Variants in SPTBN1 observed in about 807,000 individuals in gnomAD.
SPTBN1 encodes the protein spectrin beta chain, non-erythrocytic 1.
Under a neutral mutation model 266.4 loss-of-function variants are expected in SPTBN1, and 32 were observed. The observed-to-expected ratio is 0.12, with a 90% CI of 0.09 to 0.16. The LOEUF is 0.16. SPTBN1 is among the 10% of genes least tolerant of loss of function. The pLI, the probability that SPTBN1 is intolerant of heterozygous loss-of-function variation, is 1.00. For missense variants in SPTBN1, 2,296 were observed against 3,067.1 expected (o/e 0.75, Z 5.94); for synonymous variants, 1,336 against 1,162.2 (o/e 1.15, Z -3.04).
In SPTBN1 at chr2:54,612,317, A is replaced by G. The variant is rs878936548; in HGVS notation, c.457A>G (p.Ile153Val). 6.2e-7 allele frequency: 1 copy of G among 1,612,808 alleles called. No individual in the cohort carries two copies. The highest frequency in any genetic ancestry group is 8.5e-7 in the Non-Finnish European group (1 of 1,179,124). The change falls in exon 4 of 36, where the codon ATC becomes GTC. Residue 153 changes from isoleucine (I) to valine (V), a missense_variant. Physicochemically the swap from Ile to Val is conservative, Grantham distance 29 (BLOSUM62 3). This residue lies in a region of SPTBN1 where 178 missense variants were observed against 375.7 expected (regional missense o/e 0.47). Transcript: ENST00000356805. ...HRLTLGLIWT[I>V]ILRFQIQDIS... The stretch of plus-strand genomic sequence containing the variant: ...GCTGACCCTTGGCCTCATCTGGACC[A>G]TCATCCTGCGCTTCCAGGTAAGGGT...
rs753604087 is a variant in SPTBN1 at position 54,629,288 on chromosome 2, G to A, written c.2154G>A (p.Arg718=). ...TCGGGTCGGAGAAGATCCGTGAGAG[G>A]ATCATTTACATCCGGGAGCAGTGGG... ...EHFGSEKIRE[R]IIYIREQWAN... The change falls in exon 14 of 36, where the codon AGG becomes AGA. Residue 718 remains arginine (R), a synonymous_variant. Transcript: ENST00000356805. The A allele has an allele frequency of 1.2e-6, 2 of 1,614,070 alleles. No homozygotes were observed. Among genetic ancestry groups the A allele is most frequent in the Non-Finnish European group, 1.7e-6 (2 of 1,180,044 alleles).
rs35551436 is a variant in SPTBN1 at position 54,507,802 on chromosome 2, C to CTT, written c.-47-18557_-47-18556dup. On this transcript the variant is annotated intron_variant, in intron 1 of 35. Coordinates refer to ENST00000356805, the MANE Select transcript of SPTBN1 (RefSeq NM_003128.3). ...TCTTCATTTAAAAATATAGAGTCCC[C>CTT]TTTTTTTTTTTTTTAGCAGTAAGTC... is the stretch of plus-strand genomic sequence containing the variant. 2.3e-3 allele frequency among the ~76,000 whole-genome samples: 319 copies of CTT among 139,820 alleles called. 2 individuals are homozygous for CTT. The highest frequency in any genetic ancestry group is 3.8e-3 in the African/African-American group (146 of 38,156). 91.7% of individuals were successfully genotyped at this position (139,820 alleles called of 152,430 possible).
intron 17 of SPTBN1, 56 bp downstream of exon 17, chr2:54,632,824 T>A: frequency 6.3e-7 from 1 of 1,582,348 alleles, no homozygotes; most frequent in Non-Finnish European, 8.6e-7. Flanking sequence ...CTCAAACTTC[T>A]GAATCATTGG....
chr2:54,626,163 G>C lies in SPTBN1; in HGVS notation c.1573G>C (p.Glu525Gln), dbSNP rs140411223. 2 of 1,614,178 alleles carry C rather than the reference G, an allele frequency of 1.2e-6. No individual in the cohort carries two copies. The highest frequency in any genetic ancestry group is 2.2e-5 in the South Asian group (2 of 91,080). The change falls in exon 12 of 36, where the codon GAG (glutamate) becomes CAG (glutamine). Residue 525 changes from glutamate (E) to glutamine (Q), a missense_variant. By Grantham distance (29) the Glu-to-Gln change is conservative. This residue lies in a region of SPTBN1 where 434 missense variants were observed against 573.9 expected (regional missense o/e 0.76). Coordinates refer to ENST00000356805, the MANE Select transcript of SPTBN1 (RefSeq NM_003128.3). This position sits in a 1 kb window ranked among gnomAD's most constrained non-coding sequence, Gnocchi z 4.7. Reference protein sequence around the residue: ...ELLRARRQRLEMNLGLQKIFQ... With the variant: ...ELLRARRQRLQMNLGLQKIFQ... ...GCTCAGGGCCCGGAGACAGCGGCTC[G>C]AGATGAACCTGGGGCTGCAGAAGAT... is the stretch of plus-strand genomic sequence containing the variant.
intron 2 of SPTBN1, among the ~76,000 whole-genome samples, chr2:54,576,843 T>C (rs1475012903): frequency 6.6e-6 from 1 of 152,182 alleles, no homozygotes; most frequent in Non-Finnish European, 1.5e-5. Flanking sequence ...GAATACTAGG[T>C]AAGTGATCCC....
chr2:54,591,385 T>C (rs1431718033), intron 2 of SPTBN1, among the ~76,000 whole-genome samples: 1 of 152,200 alleles, frequency 6.6e-6, no homozygotes, highest in African/African-American at 2.4e-5. Flanking sequence ...ACACCTAACT[T>C]AACTATATGT....
chr2:54,460,024 C>T (rs181323188), intron 1 of SPTBN1, among the ~76,000 whole-genome samples: 90 of 152,250 alleles, frequency 5.9e-4, no homozygotes, highest in African/African-American at 2.0e-3. Context: ...TTTTAAACAT[C>T]TCTGGAGAAG....
In SPTBN1 at chr2:54,512,159, T is replaced by A. The variant is rs114733205; in HGVS notation, c.-47-14213T>A. ...ACTATGGGGAACAGCTGTACTTCGC[T>A]TGCTTGTCCGCTGCTCACCTTCTGC... is the stretch of plus-strand genomic sequence containing the variant. On this transcript the variant is annotated intron_variant, in intron 1 of 35. Transcript: ENST00000356805. Among the ~76,000 whole-genome samples the A allele has an allele frequency of 3.7e-3, 562 of 152,306 alleles. 5 individuals are homozygous for A. Among genetic ancestry groups the A allele is most frequent in the African/African-American group, 0.012 (515 of 41,556 alleles).
chr2:54,567,166 G>T (rs754388304), intron 2 of SPTBN1, among the ~76,000 whole-genome samples: 2 of 152,182 alleles, frequency 1.3e-5, no homozygotes, highest in Non-Finnish European at 2.9e-5. Flanking sequence ...GGTAAGAGGT[G>T]AGGAACTGAG....
intron 2 of SPTBN1, among the ~76,000 whole-genome samples, chr2:54,537,955 C>G (rs1264272156): frequency 6.6e-6 from 1 of 152,188 alleles, no homozygotes; most frequent in African/African-American, 2.4e-5. Context: ...CATGGCAGCT[C>G]TCCCTGGAAC....
At chr2:54,655,429 A>T (rs1680586510) in intron 28 of SPTBN1, among the ~76,000 whole-genome samples, 1 of 152,230 alleles carries the variant, frequency 6.6e-6, no homozygotes, top group African/African-American at 2.4e-5. Context: ...TGAGGGCTAC[A>T]AAATGGACTC....
rs116292828 is a variant in SPTBN1, at chr2:54,668,037, C to T, written c.6877-314C>T. ...GAGTCCATTGATGGAAAAACAACAC[C>T]TGTAATGCTTTAAATGTGAAAAAGC... is the stretch of plus-strand genomic sequence containing the variant. On this transcript the variant is annotated intron_variant, in intron 35 of 35. Transcript: ENST00000356805. 8.8e-3 allele frequency among the ~76,000 whole-genome samples: 1,338 copies of T among 152,292 alleles called. 23 individuals are homozygous for T. Among genetic ancestry groups the T allele is most frequent in the African/African-American group, 0.029 (1,222 of 41,548 alleles).
At chr2:54,590,082 C>G (rs549281513) in intron 2 of SPTBN1, among the ~76,000 whole-genome samples, 5 of 152,114 alleles carry the variant, frequency 3.3e-5, no homozygotes, top group Non-Finnish European at 7.3e-5. Context: ...TTCACTTTAC[C>G]GTACAGGTAT....
At chr2:54,490,946 T>G (rs565718965) in intron 1 of SPTBN1, among the ~76,000 whole-genome samples, 242 of 152,234 alleles carry the variant, frequency 1.6e-3, no homozygotes, top group Non-Finnish European at 3.0e-3. Flanking sequence ...CAAAAACTCT[T>G]GCATGCCTTG....
At chr2:54,578,749 GGTGTGTGT>G (rs34536803) in intron 2 of SPTBN1, among the ~76,000 whole-genome samples, 89 of 147,630 alleles carry the variant, frequency 6.0e-4, no homozygotes, top group African/African-American at 2.0e-3. Flanking sequence ...CTTCTGATGG[GGTGTGTGT>G]GTGTGTGTGT....
chr2:54,660,847 C>T (rs897295430), intron 32 of SPTBN1: 140 of 985,278 alleles, frequency 1.4e-4, no homozygotes, highest in Non-Finnish European at 1.5e-4. Context: ...GCTGCTGGCA[C>T]GTGGGACGCG....
At chr2:54,583,802 T>C (rs2104586062) in intron 2 of SPTBN1, among the ~76,000 whole-genome samples, 1 of 152,270 alleles carries the variant, frequency 6.6e-6, no homozygotes, top group South Asian at 2.1e-4. Context: ...GAAGAGTATG[T>C]TTTCCTCCAG....
chr2:54,459,891 T>C (rs1420015307), intron 1 of SPTBN1, among the ~76,000 whole-genome samples: 1 of 152,248 alleles, frequency 6.6e-6, no homozygotes, highest in Non-Finnish European at 1.5e-5. Flanking sequence ...TTTAGTACTC[T>C]GATTTTTCCG....
intron 2 of SPTBN1, among the ~76,000 whole-genome samples, chr2:54,539,194 A>G (rs1465032354): frequency 2.0e-5 from 3 of 152,114 alleles, no homozygotes; most frequent in African/African-American, 7.2e-5. Context: ...CATTCCCTAC[A>G]AGCACCTCAC....
Sources: gnomAD v4.1 joint callset for allele counts (sites outside exome capture counted in the v4.1 genomes callset) on GRCh38, gnomAD v4.1.1 for gene constraint, gnomAD v4.1.1 regional missense constraint, Gnocchi (gnomAD v3.1) non-coding constraint, MANE v1.5 for transcripts, NCBI Gene and HGNC (gene_info 2026-07-23, HGNC 2026-07-21) for gene names.